FOCAD: variants seen among roughly 807,000 people sequenced by gnomAD.
FOCAD encodes the protein focadhesin.
A neutral mutation model predicts 225.6 loss-of-function variants in FOCAD; 198 were observed. The observed-to-expected ratio is 0.88, with a 90% confidence interval of 0.78 to 0.99. The LOEUF is 0.99. Ranked by LOEUF, FOCAD falls within the 50% of genes least tolerant of loss-of-function variation. The probability of loss-of-function intolerance (pLI) is 0.00; values close to 1 mark genes in which losing one functional copy is unlikely to be tolerated. For synonymous variants in FOCAD, 897 were observed against 755.0 expected (o/e 1.19, Z -3.08); for missense variants, 2,713 against 2,123.6 (o/e 1.28, Z -5.46).
At chr9:20,938,567 G>C (rs1025386388) in intron 28 of FOCAD, among the ~76,000 whole-genome samples, 15 of 150,480 alleles carry the variant, frequency 1.0e-4, no homozygotes, top group African/African-American at 3.2e-4. Flanking sequence ...CATCACACAC[G>C]GGGGCCTGTT....
rs368914779 is a variant in FOCAD at position 20,770,245 on chromosome 9, A to G, written c.906+7A>G. On this transcript the variant is annotated splice_region_variant and intron_variant, in intron 8 of 43. Transcript: ENST00000338382. ...TGTTGAACTTCTGAAGGAGGTAAGGATAGTAGTATATTATACTGTTCATGC... is the reference window on the plus strand; with the variant it reads ...TGTTGAACTTCTGAAGGAGGTAAGGGTAGTAGTATATTATACTGTTCATGC... 1.9e-6 allele frequency: 3 copies of G among 1,609,210 alleles called. No homozygotes were observed. In the African/African-American group the frequency reaches 4.0e-5, roughly 22 times the overall value.
Position 20,929,515 on chromosome 9 carries a change from C to G in FOCAD, c.3236C>G (p.Ala1079Gly). The change falls in exon 27 of 44, where the codon GCT (alanine) becomes GGT (glycine). Residue 1079 changes from alanine to glycine, a missense_variant. Coordinates refer to ENST00000338382, the MANE Select transcript of FOCAD (RefSeq NM_001375567.1). ...LTARLPGKPS[A>G]DESQAVQIHM... ...GCCAGGTTACCTGGGAAACCAAGTG[C>G]TGATGAGTCTCAAGCCGTGCAAATC... The G allele has an allele frequency of 6.2e-7, 1 of 1,614,154 alleles. No homozygotes were observed. The highest frequency in any genetic ancestry group is 8.5e-7 in the Non-Finnish European group (1 of 1,180,028).
chr9:20,842,421 C>CA (rs1248078676), intron 15 of FOCAD, among the ~76,000 whole-genome samples: 3 of 151,650 alleles, frequency 2.0e-5, no homozygotes, highest in Non-Finnish European at 4.4e-5. Flanking sequence ...CTGGGTATGC[C>CA]AGTGTTGGGT....
chr9:20,804,032 G>A (rs1822135333), intron 11 of FOCAD, among the ~76,000 whole-genome samples: 1 of 152,022 alleles, frequency 6.6e-6, no homozygotes, highest in African/African-American at 2.4e-5. Flanking sequence ...AGGCTTCAGT[G>A]GGCATTGATT....
intron 43 of FOCAD, among the ~76,000 whole-genome samples, chr9:20,994,130 G>A (rs937290928): frequency 6.6e-6 from 1 of 152,188 alleles, no homozygotes; most frequent in Non-Finnish European, 1.5e-5. Context: ...TTTATAAGTA[G>A]TGTTTTTAAT....
chr9:20,823,755 A>G (rs1452380933), intron 15 of FOCAD, among the ~76,000 whole-genome samples: 1 of 152,108 alleles, frequency 6.6e-6, no homozygotes, highest in African/African-American at 2.4e-5. Flanking sequence ...TTTTTAGTGA[A>G]TGAGACTAAG....
intron 11 of FOCAD, among the ~76,000 whole-genome samples, chr9:20,801,676 G>T (rs1224585772): frequency 6.6e-6 from 1 of 152,124 alleles, no homozygotes; most frequent in African/African-American, 2.4e-5. Flanking sequence ...ATCTGGATGT[G>T]CTGTATTAGT....
At chr9:20,940,837 C>T (rs538855962) in intron 28 of FOCAD, among the ~76,000 whole-genome samples, 5 of 152,274 alleles carry the variant, frequency 3.3e-5, no homozygotes, top group African/African-American at 1.2e-4. Flanking sequence ...ACTTCAAAGC[C>T]ATTTTTCTTT....
chr9:20,697,878 TG>T (rs1323259088), intron 1 of FOCAD, among the ~76,000 whole-genome samples: 1 of 152,234 alleles, frequency 6.6e-6, no homozygotes, highest in Non-Finnish European at 1.5e-5. Context: ...ATTAATCTCC[TG>T]GCAAACAATT....
At chr9:20,944,375 T>G (rs1409563164) in intron 28 of FOCAD, among the ~76,000 whole-genome samples, 2 of 152,144 alleles carry the variant, frequency 1.3e-5, no homozygotes, top group Non-Finnish European at 2.9e-5. Context: ...ATTTCCTGCC[T>G]TTTGTTTTTA....
At chr9:20,796,174 A>G (rs1338873322) in intron 11 of FOCAD, among the ~76,000 whole-genome samples, 1 of 152,156 alleles carries the variant, frequency 6.6e-6, no homozygotes, top group East Asian at 1.9e-4. Context: ...ATAGTATTCC[A>G]TGGTATATAT....
exon 2 of FOCAD, chr9:20,658,707 T>C (rs56758258): frequency 0.48 from 75,166 of 158,108 alleles, 18,441 homozygotes; most frequent in African/African-American, 0.61. Flanking sequence ...GAACTCGGTA[T>C]CTCAGATGGA....
intron 4 of FOCAD, among the ~76,000 whole-genome samples, chr9:20,734,244 G>C (rs1415448342): frequency 1.3e-5 from 2 of 152,108 alleles, no homozygotes; most frequent in African/African-American, 4.8e-5. Context: ...CTAATAGGGA[G>C]TCTTAAAGGT....
chr9:20,848,571 G>A (rs1220965655), intron 15 of FOCAD, among the ~76,000 whole-genome samples: 1 of 151,970 alleles, frequency 6.6e-6, no homozygotes, highest in Non-Finnish European at 1.5e-5. Flanking sequence ...GTAAGCTAAG[G>A]TCAGAGAGAG....
At chr9:20,753,805 C>A (rs181021927) in intron 5 of FOCAD, among the ~76,000 whole-genome samples, 8 of 150,108 alleles carry the variant, frequency 5.3e-5, no homozygotes, top group African/African-American at 2.0e-4. Context: ...ATAATAATAA[C>A]GATGATAATG....
chr9:20,764,805 G>A, intron 6 of FOCAD, 64 bp from the exon 7 acceptor site: 5 of 1,243,876 alleles, frequency 4.0e-6, no homozygotes. Flanking sequence ...GTTGATATTT[G>A]CCACTTACCT....
At chr9:20,965,102 A>G (rs1449906879) in intron 35 of FOCAD, among the ~76,000 whole-genome samples, 1 of 152,196 alleles carries the variant, frequency 6.6e-6, no homozygotes. Context: ...CCGAAGCTTA[A>G]GGAAGCAGTT....
chr9:20,854,291 G>T (rs189254768), intron 15 of FOCAD, among the ~76,000 whole-genome samples: 1 of 151,626 alleles, frequency 6.6e-6, no homozygotes, highest in African/African-American at 2.4e-5. Flanking sequence ...ATTCTTCTGA[G>T]GTTCACTATT....
Position 20,940,086 on chromosome 9 carries a change from T to TGA in FOCAD, c.3408-4532_3408-4531dup, listed in dbSNP as rs756138434. ...TATCCTTTTTAATGAACAACTATAT[T>TGA]GAGAGAGAGACGGGTAGGCCTGGAC... On this transcript the variant is annotated intron_variant, in intron 28 of 43. Coordinates refer to ENST00000338382, the MANE Select transcript of FOCAD (RefSeq NM_001375567.1). Among the ~76,000 whole-genome samples the TGA allele has an allele frequency of 7.2e-5, 11 of 152,154 alleles. No individual in the cohort carries two copies. In the South Asian group the frequency reaches 1.0e-3, roughly 14 times the overall value.
Sources: allele counts gnomAD v4.1 joint callset (sites outside exome capture counted in the v4.1 genomes callset), GRCh38; gene constraint gnomAD v4.1.1; transcripts MANE v1.5; gene names NCBI Gene and HGNC (gene_info 2026-07-23, HGNC 2026-07-21).